UNC5C: variants seen among roughly 807,000 people sequenced by gnomAD.
UNC5C encodes the protein unc-5 netrin receptor C, also known as netrin receptor UNC5C.
Under a neutral mutation model 99.8 loss-of-function variants are expected in UNC5C, and 47 were observed. That is an observed-to-expected ratio of 0.47 (90% CI 0.37 to 0.60). The LOEUF (loss-of-function observed/expected upper bound fraction) is 0.60, where lower values mean the gene tolerates loss of function less well. Ranked by LOEUF, UNC5C falls within the 20% of genes least tolerant of loss-of-function variation. The pLI is 0.00. For synonymous variants in UNC5C, 487 were observed against 452.2 expected, an observed-to-expected ratio of 1.08 and a Z score of -0.98; for missense variants, 1,062 against 1,165.9, an observed-to-expected ratio of 0.91 and a Z score of 1.30.
At chr4:95,405,767 A>C (rs575350582) in intron 1 of UNC5C, among the ~76,000 whole-genome samples, 2 of 152,246 alleles carry the variant, frequency 1.3e-5, no homozygotes, top group East Asian at 3.9e-4. Context: ...AACTTCCCAC[A>C]CGTTAGCTGT....
intron 2 of UNC5C, among the ~76,000 whole-genome samples, chr4:95,307,309 A>C (rs1579312552): frequency 6.6e-6 from 1 of 152,132 alleles, no homozygotes; most frequent in African/African-American, 2.4e-5. Flanking sequence ...AAATTATTCT[A>C]TGCAAGTGGG....
At chr4:95,371,423 T>TG (rs750299959) in intron 1 of UNC5C, among the ~76,000 whole-genome samples, 1,596 of 30,436 alleles carry the variant, frequency 0.052, 14 homozygotes, top group South Asian at 0.082. Context: ...GTATATTTTG[T>TG]GGGGGGGGGG....
intron 4 of UNC5C, among the ~76,000 whole-genome samples, chr4:95,262,020 T>C (rs562365766): frequency 6.6e-6 from 1 of 152,350 alleles, no homozygotes; most frequent in South Asian, 2.1e-4. Context: ...TTCTTATAAC[T>C]AATATCTCTA....
chr4:95,473,725 A>G (rs1424576925), intron 1 of UNC5C, among the ~76,000 whole-genome samples: 1 of 152,084 alleles, frequency 6.6e-6, no homozygotes, highest in Non-Finnish European at 1.5e-5. Context: ...TTTAGTCAAG[A>G]AACATTAAGA....
chr4:95,347,993 C>T (rs1326138495), intron 1 of UNC5C, among the ~76,000 whole-genome samples: 1 of 151,968 alleles, frequency 6.6e-6, no homozygotes, highest in Non-Finnish European at 1.5e-5. Context: ...TGATAGAAAA[C>T]ATTTGCACAC....
chr4:95,309,090 A>G (rs1034530841), intron 2 of UNC5C, among the ~76,000 whole-genome samples: 1 of 152,144 alleles, frequency 6.6e-6, no homozygotes, highest in South Asian at 2.1e-4. Flanking sequence ...AGACACACAG[A>G]CCAATGGAAC....
chr4:95,398,504 C>G (rs1745591369), intron 1 of UNC5C, among the ~76,000 whole-genome samples: 1 of 152,126 alleles, frequency 6.6e-6, no homozygotes, highest in Non-Finnish European at 1.5e-5. Context: ...GAAAGTTCTA[C>G]TGTAGCAGAT....
chr4:95,500,825 G>A (rs1212645442), intron 1 of UNC5C, among the ~76,000 whole-genome samples: 1 of 152,070 alleles, frequency 6.6e-6, no homozygotes, highest in Non-Finnish European at 1.5e-5. Context: ...GTTATTTAAG[G>A]AAGAAAAATT....
chr4:95,466,890 C>T (rs1298914675), intron 1 of UNC5C, among the ~76,000 whole-genome samples: 1 of 152,086 alleles, frequency 6.6e-6, no homozygotes, highest in Non-Finnish European at 1.5e-5. Flanking sequence ...TTGGGTGTGG[C>T]CTGGATCTAG....
chr4:95,326,273 A>G (rs992725674), intron 2 of UNC5C, among the ~76,000 whole-genome samples: 2 of 152,144 alleles, frequency 1.3e-5, no homozygotes, highest in Admixed American at 1.3e-4. Flanking sequence ...ATAATTAAAG[A>G]TGAAAAAGGA....
At chr4:95,380,854 C>T (rs1745049058) in intron 1 of UNC5C, among the ~76,000 whole-genome samples, 1 of 152,114 alleles carries the variant, frequency 6.6e-6, no homozygotes, top group Non-Finnish European at 1.5e-5. Context: ...CTTTAATTAA[C>T]TTAACCTCAT....
At position 95,548,808 on chromosome 4, in the gene UNC5C, C is replaced by A; in HGVS notation, c.50G>T (p.Gly17Val). 1 of 1,613,546 alleles carries A rather than the reference C, an allele frequency of 6.2e-7. No homozygotes were observed. The highest frequency in any genetic ancestry group is 1.7e-5 in the Admixed American group (1 of 60,022). ...TAGCACGAGCATTTGCAGCAAGTATCCCAGTCCCAGTCCGCAGCGGGCCGC... is the reference window on the plus strand; with the variant it reads ...TAGCACGAGCATTTGCAGCAAGTATACCAGTCCCAGTCCGCAGCGGGCCGC... ...ATAARCGLGL[G>V]YLLQMLVLPA... The change falls in exon 1 of 16, where the codon GGA (glycine) becomes GTA (valine). Residue 17 changes from glycine (G) to valine (V), a missense_variant. Gly to Val is a moderately radical substitution (Grantham distance 109). Transcript: ENST00000453304.
intron 1 of UNC5C, among the ~76,000 whole-genome samples, chr4:95,358,958 C>T (rs1744298643): frequency 6.6e-6 from 1 of 152,106 alleles, no homozygotes; most frequent in African/African-American, 2.4e-5. Context: ...ATAAAAAGTT[C>T]CAAGGACTCT....
intron 11 of UNC5C, among the ~76,000 whole-genome samples, chr4:95,205,270 C>CAAA (rs1240926460): frequency 6.6e-6 from 1 of 152,148 alleles, no homozygotes; most frequent in African/African-American, 2.4e-5. Flanking sequence ...GAGAATCATG[C>CAAA]GAATAATTTA....
intron 2 of UNC5C, among the ~76,000 whole-genome samples, chr4:95,327,991 T>C (rs912195327): frequency 1.3e-5 from 2 of 150,390 alleles, no homozygotes; most frequent in Non-Finnish European, 3.0e-5. Flanking sequence ...AATAGCATTG[T>C]TTATAACATG....
intron 1 of UNC5C, among the ~76,000 whole-genome samples, chr4:95,540,398 G>A (rs557686463): frequency 1.3e-5 from 2 of 152,172 alleles, no homozygotes; most frequent in African/African-American, 4.8e-5. Flanking sequence ...TACTCAAATG[G>A]GCTTCTGTTT....
intron 7 of UNC5C, among the ~76,000 whole-genome samples, chr4:95,239,308 T>C (rs1341474211): frequency 6.6e-6 from 1 of 152,200 alleles, no homozygotes; most frequent in African/African-American, 2.4e-5. Flanking sequence ...TTACTATGGG[T>C]TTTATTTAAA....
At chr4:95,447,543 C>A (rs2149465981) in intron 1 of UNC5C, among the ~76,000 whole-genome samples, 1 of 152,292 alleles carries the variant, frequency 6.6e-6, no homozygotes, top group Middle Eastern at 3.4e-3. Context: ...CTCTGTCACC[C>A]AGGCTGGAGT....
chr4:95,301,710 T>A lies in UNC5C; in HGVS notation c.386A>T (p.Gln129Leu). 1 of 1,613,266 alleles carries A rather than the reference T, an allele frequency of 6.2e-7. No individual in the cohort carries two copies. The highest frequency in any genetic ancestry group is 8.5e-7 in the Non-Finnish European group (1 of 1,180,020). ...VREVSIEISR[Q>L]QVEELFGPED... Reference sequence around the variant, plus strand: ...AGGTCCAAAGAGTTCTTCCACTTGCTGGCGCGAAATCTCAATGCTCACTTC... The same window carrying A: ...AGGTCCAAAGAGTTCTTCCACTTGCAGGCGCGAAATCTCAATGCTCACTTC... The change falls in exon 3 of 16, where the codon CAG (glutamine) becomes CTG (leucine). Residue 129 changes from glutamine (Q) to leucine (L), a missense_variant. Physicochemically the swap from Gln to Leu is moderately radical, Grantham distance 113. Around this residue, in one of 3 missense-constraint regions of UNC5C, gnomAD observed 249 missense variants for 295.1 expected, o/e 0.84. Coordinates refer to ENST00000453304, the MANE Select transcript of UNC5C (RefSeq NM_003728.4).
Sources: allele counts gnomAD v4.1 joint callset (sites outside exome capture counted in the v4.1 genomes callset), GRCh38; gene constraint gnomAD v4.1.1; regional missense constraint gnomAD v4.1.1; transcripts MANE v1.5; gene names NCBI Gene and HGNC (gene_info 2026-07-23, HGNC 2026-07-21).